CAND1: variants seen among roughly 807,000 people sequenced by gnomAD.
CAND1 encodes cullin associated and neddylation dissociated 1.
A neutral mutation model predicts 108.5 loss-of-function variants in CAND1; 7 were observed. The observed-to-expected ratio is 0.06, with a 90% CI of 0.04 to 0.12. The LOEUF (loss-of-function observed/expected upper bound fraction) is 0.12, where lower values mean the gene tolerates loss of function less well. Among genes scored for constraint, CAND1 ranks in the 10% least tolerant of loss-of-function variants. The probability of loss-of-function intolerance (pLI) is 1.00; values close to 1 mark genes in which losing one functional copy is unlikely to be tolerated. For synonymous variants in CAND1, 534 were observed against 512.0 expected, an observed-to-expected ratio of 1.04 and a Z score of -0.58; for missense variants, 941 against 1,448.7, an observed-to-expected ratio of 0.65 and a Z score of 5.69.
In CAND1 at chr12:67,299,113, GA is replaced by G. The variant is rs1565724531; in HGVS notation, c.1000+20del. ...TGATCAAGGTATTGCAAATTAAATA[GA>G]ATCTTTTGAGTTTTTGTGAAAGACA... On this transcript the variant is annotated intron_variant, in intron 7 of 14. Transcript: ENST00000545606. 6.6e-7 allele frequency: 1 copy of G among 1,505,276 alleles called. No individual in the cohort carries two copies. Among genetic ancestry groups the G allele is most frequent in the Non-Finnish European group, 8.9e-7 (1 of 1,123,594 alleles). 93.2% of individuals were successfully genotyped at this position (1,505,276 alleles called of 1,614,324 possible).
chr12:67,302,454 G>C lies in CAND1; in HGVS notation c.1132G>C (p.Ala378Pro). The change falls in exon 8 of 15, where the codon GCA (alanine) becomes CCA (proline). Residue 378 changes from alanine (A) to proline (P), a missense_variant. Ala to Pro is a conservative substitution (Grantham distance 27, BLOSUM62 -1). Coordinates refer to ENST00000545606, the MANE Select transcript of CAND1 (RefSeq NM_018448.5). ...LPEFYKTVSP[A>P]LISRFKEREE... ...AGAATTCTACAAGACCGTCTCTCCT[G>C]CACTAATATCCAGATTTAAAGAGCG... 3 of 1,614,104 alleles carry C rather than the reference G, an allele frequency of 1.9e-6. No individual in the cohort carries two copies. Among genetic ancestry groups the C allele is most frequent in the Non-Finnish European group, 2.5e-6 (3 of 1,179,978 alleles).
chr12:67,316,888 C>T lies in CAND1; in HGVS notation c.*4058C>T, dbSNP rs1029689056. On this transcript the variant is annotated 3_prime_UTR_variant, in exon 15 of 15. Coordinates refer to ENST00000545606, the MANE Select transcript of CAND1 (RefSeq NM_018448.5). ...CTTCAGGGCCAGATGGCAGCTCACG[C>T]CTGTAATCTCAGCACTTTGGGAGGC... 1 of 152,186 alleles carries T rather than the reference C, an allele frequency of 6.6e-6. No individual in the cohort carries two copies. The highest frequency in any genetic ancestry group is 1.9e-4 in the East Asian group (1 of 5,204). 9.4% of individuals were successfully genotyped at this position (152,186 alleles called of 1,614,324 possible). A position where few individuals can be genotyped will look rare whatever the true frequency, so the allele number is the denominator to read the frequency against.
intron 4 of CAND1, among the ~76,000 whole-genome samples, chr12:67,296,950 A>G (rs940215906): frequency 2.0e-5 from 3 of 151,858 alleles, no homozygotes; most frequent in African/African-American, 7.3e-5. Flanking sequence ...GGCATGCACC[A>G]CCACACGCAG....
chr12:67,284,952 G>T lies in CAND1; in HGVS notation c.212+2899G>T, dbSNP rs372659191. ...GAAGAAAGTTAGAGGCATAAGAATT[G>T]AAAAGTTTATGTGGGAGAAACAAGT... On this transcript the variant is annotated intron_variant, in intron 2 of 14. Transcript: ENST00000545606. Among the ~76,000 whole-genome samples, 52 of 152,272 alleles carry T rather than the reference G, an allele frequency of 3.4e-4. No individual in the cohort carries two copies. The East Asian group carries it at 8.1e-3, about 24-fold the overall frequency.
chr12:67,309,548 C>G lies in CAND1; in HGVS notation c.3026-353C>G, dbSNP rs547589224. ...TTTTGTTGCTGCTTTTAGTGAACTACAAGGAGAATCAAGCATGTGATTAGT... is the reference window on the plus strand; with the variant it reads ...TTTTGTTGCTGCTTTTAGTGAACTAGAAGGAGAATCAAGCATGTGATTAGT... On this transcript the variant is annotated intron_variant, in intron 11 of 14. Transcript: ENST00000545606. Among the ~76,000 whole-genome samples, 7 of 152,026 alleles carry G rather than the reference C, an allele frequency of 4.6e-5. No individual in the cohort carries two copies. The East Asian group carries it at 9.7e-4, about 21-fold the overall frequency.
chr12:67,297,393 T>C lies in CAND1; in HGVS notation c.492-14T>C, dbSNP rs766047763. The C allele has an allele frequency of 6.2e-7, 1 of 1,600,738 alleles. No homozygotes were observed. Among genetic ancestry groups the C allele is most frequent in the South Asian group, 1.1e-5 (1 of 88,996 alleles). ...TCATTTGTTGTTTTCTTTCTTTTTT[T>C]ATTTTATTTTAAGGCAAGGAGGACT... is the stretch of plus-strand genomic sequence containing the variant. On this transcript the variant is annotated splice_polypyrimidine_tract_variant and intron_variant, in intron 4 of 14. Coordinates refer to ENST00000545606, the MANE Select transcript of CAND1 (RefSeq NM_018448.5).
chr12:67,283,816 C>A (rs1015696252), intron 2 of CAND1, among the ~76,000 whole-genome samples: 1 of 151,982 alleles, frequency 6.6e-6, no homozygotes, highest in African/African-American at 2.4e-5. Context: ...TAGTATGTAT[C>A]TTTACTCATT....
At position 67,305,319 on chromosome 12, in the gene CAND1, C is replaced by A; in HGVS notation, c.1651C>A (p.Arg551Ser). ...TACTCAACAGCTTGTCAAAGTAATTCGTCCTTTAGATCAGCCTTCCTCGTT... is the reference window on the plus strand; with the variant it reads ...TACTCAACAGCTTGTCAAAGTAATTAGTCCTTTAGATCAGCCTTCCTCGTT... ...LVTQQLVKVIRPLDQPSSFDA... is the reference protein window; with the variant it reads ...LVTQQLVKVISPLDQPSSFDA... The change falls in exon 10 of 15, where the codon CGT (arginine) becomes AGT (serine). Residue 551 changes from arginine to serine, a missense_variant. This residue lies in a region of CAND1 where 697 missense variants were observed against 942.0 expected (regional missense o/e 0.74). Transcript: ENST00000545606. This position sits in a 1 kb window ranked among gnomAD's most constrained non-coding sequence, Gnocchi z 4.4. The A allele has an allele frequency of 6.2e-7, 1 of 1,614,102 alleles. No homozygotes were observed. The highest frequency in any genetic ancestry group is 8.5e-7 in the Non-Finnish European group (1 of 1,179,984).
intron 4 of CAND1, 164 bp from the exon 5 acceptor site, chr12:67,297,243 A>G (rs1333643364): frequency 1.4e-6 from 1 of 724,452 alleles, no homozygotes; most frequent in Non-Finnish European, 2.4e-6. Flanking sequence ...TTTCAGTTGC[A>G]TTGGTAGATA....
chr12:67,281,790 G>A, intron 1 of CAND1, 120 bp from the exon 2 acceptor site: 2 of 629,902 alleles, frequency 3.2e-6, no homozygotes, highest in Non-Finnish European at 5.1e-6. Flanking sequence ...AAGTGGATGA[G>A]TTTTATAATA....
intron 1 of CAND1, among the ~76,000 whole-genome samples, chr12:67,276,682 G>A (rs566991402): frequency 7.2e-5 from 11 of 152,310 alleles, no homozygotes; most frequent in African/African-American, 2.4e-4. Flanking sequence ...GACCTTGTCC[G>A]AAATGGATGT....
intron 1 of CAND1, among the ~76,000 whole-genome samples, chr12:67,271,438 C>G (rs558339901): frequency 1.3e-5 from 2 of 152,192 alleles, no homozygotes; most frequent in Non-Finnish European, 2.9e-5. Flanking sequence ...GAAGGTAGCA[C>G]TTTATAATAA....
At chr12:67,311,655 A>G in intron 13 of CAND1, 38 bp from the exon 14 acceptor site, 1 of 1,192,334 alleles carries the variant, frequency 8.4e-7, no homozygotes. Context: ...TTAGAAAATG[A>G]TGTCAAATCT....
chr12:67,298,446 C>T (rs1007164606), intron 6 of CAND1, among the ~76,000 whole-genome samples: 1 of 152,132 alleles, frequency 6.6e-6, no homozygotes, highest in Non-Finnish European at 1.5e-5. Context: ...TTTAATCATA[C>T]CATATTCTGA....
intron 8 of CAND1, among the ~76,000 whole-genome samples, chr12:67,302,868 A>G (rs2044839550): frequency 6.6e-6 from 1 of 152,206 alleles, no homozygotes; most frequent in African/African-American, 2.4e-5. Flanking sequence ...TTTGATGTTA[A>G]TAGAGAAGTC....
chr12:67,293,482 G>C (rs2044740263), intron 3 of CAND1, among the ~76,000 whole-genome samples: 1 of 152,176 alleles, frequency 6.6e-6, no homozygotes, highest in Non-Finnish European at 1.5e-5. Flanking sequence ...GGCCGGGCGA[G>C]GTGGCTCACG....
chr12:67,294,948 G>C, intron 3 of CAND1, 85 bp from the exon 4 acceptor site: 2 of 1,426,832 alleles, frequency 1.4e-6, no homozygotes, highest in South Asian at 2.6e-5. Context: ...GTGTGGAGTT[G>C]TTAAATATTT....
Position 67,309,952 on chromosome 12 carries a change from C to T in CAND1, c.3077C>T (p.Ala1026Val), listed in dbSNP as rs2044931181. The stretch of plus-strand genomic sequence containing the variant: ...CCAGATTTGAATGTGAGAAGAGTAG[C>T]CTTGGTCACATTTAATTCAGCAGCA... ...EDPDLNVRRV[A>V]LVTFNSAAHN... Residue 1026 changes from alanine (A) to valine (V), a missense_variant, in exon 12 of 15, where the codon GCC (alanine) becomes GTC (valine). Around this residue, in one of 9 missense-constraint regions of CAND1, gnomAD observed 106 missense variants for 182.0 expected, o/e 0.58. Coordinates refer to ENST00000545606, the MANE Select transcript of CAND1 (RefSeq NM_018448.5). The T allele has an allele frequency of 1.2e-6, 2 of 1,612,460 alleles. No homozygotes were observed. The highest frequency in any genetic ancestry group is 1.7e-6 in the Non-Finnish European group (2 of 1,178,956).
At chr12:67,297,939 G>C in intron 6 of CAND1, 86 bp downstream of exon 6, 1 of 649,568 alleles carries the variant, frequency 1.5e-6, no homozygotes, top group Non-Finnish European at 2.6e-6. Context: ...GTGAGGAGAA[G>C]CGGCCTTTTG....
Sources: gnomAD v4.1 joint callset for allele counts (sites outside exome capture counted in the v4.1 genomes callset) on GRCh38, gnomAD v4.1.1 for gene constraint, gnomAD v4.1.1 regional missense constraint, Gnocchi (gnomAD v3.1) non-coding constraint, MANE v1.5 for transcripts, NCBI Gene and HGNC (gene_info 2026-07-23, HGNC 2026-07-21) for gene names.